Variants in KATNAL2 observed in about 807,000 individuals in gnomAD.
KATNAL2 encodes katanin p60 ATPase-containing subunit A-like 2.
KATNAL2 carries 52 observed loss-of-function variants against 76.3 expected under a neutral mutation model. The observed-to-expected ratio is 0.68, with a 90% CI of 0.55 to 0.86. The LOEUF is 0.86. Among genes scored for constraint, KATNAL2 ranks in the 40% least tolerant of loss-of-function variants. KATNAL2 has a pLI of 0.00. For synonymous variants in KATNAL2, 243 were observed against 244.2 expected, an observed-to-expected ratio of 1.00 and a Z score of 0.05; for missense variants, 660 against 668.9, an observed-to-expected ratio of 0.99 and a Z score of 0.15.
At chr18:47,089,582 G>A (rs910192874) in intron 15 of KATNAL2, among the ~76,000 whole-genome samples, 1 of 152,138 alleles carries the variant, frequency 6.6e-6, no homozygotes, top group Non-Finnish European at 1.5e-5. Flanking sequence ...TGCTCAGAAT[G>A]AGAAGTGGGG....
At chr18:46,922,126 G>C (rs1474787347) in intron 1 of KATNAL2, among the ~76,000 whole-genome samples, 1 of 148,550 alleles carries the variant, frequency 6.7e-6, no homozygotes, top group African/African-American at 2.5e-5. Flanking sequence ...TTTGAGACAG[G>C]GTCTCACTCT....
At chr18:47,067,640 G>C (rs1207877090) in intron 11 of KATNAL2, among the ~76,000 whole-genome samples, 1 of 152,174 alleles carries the variant, frequency 6.6e-6, no homozygotes, top group Non-Finnish European at 1.5e-5. Flanking sequence ...TCTCTGTGCA[G>C]TTTACAAACT....
intron 3 of KATNAL2, among the ~76,000 whole-genome samples, chr18:47,039,423 A>G (rs1244845338): frequency 6.6e-6 from 1 of 151,840 alleles, no homozygotes; most frequent in Non-Finnish European, 1.5e-5. Context: ...CATCCTCCCC[A>G]GTCCTCTCCT....
chr18:47,084,847 TAAAAAA>T (rs34034453), intron 15 of KATNAL2, among the ~76,000 whole-genome samples: 4 of 25,534 alleles, frequency 1.6e-4, no homozygotes, highest in East Asian at 1.3e-3. Context: ...AGACTCTGTC[TAAAAAA>T]AAAAAAAAAA....
chr18:47,049,190 T>C lies in KATNAL2; in HGVS notation c.122+2663T>C, dbSNP rs559209179. On this transcript the variant is annotated intron_variant, in intron 4 of 17. Transcript: ENST00000683218. The stretch of plus-strand genomic sequence containing the variant: ...CTGTGATCTTGGACAAGTTACTTAT[T>C]CTCTTTATGCTTCAGTTCCCTTGTC... Among the ~76,000 whole-genome samples the C allele has an allele frequency of 3.9e-5, 6 of 152,342 alleles. No homozygotes were observed. In the South Asian group the frequency reaches 8.3e-4, roughly 21 times the overall value.
chr18:46,917,622 C>T lies in KATNAL2; in HGVS notation c.-814C>T, dbSNP rs937789255. 16 of 914,380 alleles carry T rather than the reference C, an allele frequency of 1.7e-5. No homozygotes were observed. In the African/African-American group the frequency reaches 2.5e-4, roughly 14 times the overall value. The allele number at this position is 914,380 out of a possible 1,614,324, so 56.6% of individuals were successfully genotyped here. ...CCTTCAGTCCGCGCGGCGACAGCGC[C>T]CGCCCGCGCCTGCCCCGGCGTGCTG... On this transcript the variant is annotated 5_prime_UTR_variant, in exon 1 of 18. Transcript: ENST00000683218.
At chr18:47,072,770 A>G (rs1259493936) in intron 13 of KATNAL2, among the ~76,000 whole-genome samples, 2 of 152,242 alleles carry the variant, frequency 1.3e-5, no homozygotes, top group African/African-American at 4.8e-5. Context: ...AAGTAGGAAC[A>G]TACTATGTGT....
intron 3 of KATNAL2, among the ~76,000 whole-genome samples, chr18:47,042,858 T>A (rs1477811532): frequency 1.3e-5 from 2 of 152,214 alleles, no homozygotes; most frequent in East Asian, 3.9e-4. Flanking sequence ...AATTTCTAGC[T>A]TGACAATGGC....
In KATNAL2 at chr18:47,101,102, G is replaced by T; in HGVS notation, c.*97G>T. The T allele has an allele frequency of 7.1e-7, 1 of 1,399,692 alleles. No individual in the cohort carries two copies. Among genetic ancestry groups the T allele is most frequent in the South Asian group, 1.2e-5 (1 of 80,582 alleles). 86.7% of individuals were successfully genotyped at this position (1,399,692 alleles called of 1,614,324 possible). ...AACAAAATGATTGGAATGGAAAAGA[G>T]AAAATTATTTTTGAAGACTGGATTA... On this transcript the variant is annotated 3_prime_UTR_variant, in exon 18 of 18. Transcript: ENST00000683218.
intron 3 of KATNAL2, among the ~76,000 whole-genome samples, chr18:46,957,409 C>A (rs926348234): frequency 1.3e-5 from 2 of 151,646 alleles, no homozygotes; most frequent in Admixed American, 6.6e-5. Flanking sequence ...CGCCCGCCAC[C>A]TCACCCGGCT....
intron 1 of KATNAL2, among the ~76,000 whole-genome samples, chr18:46,933,892 G>T (rs2059011049): frequency 6.8e-6 from 1 of 147,964 alleles, no homozygotes; most frequent in Non-Finnish European, 1.5e-5. Context: ...GTGAGAACAT[G>T]TGGTGTTTGG....
At position 46,946,084 on chromosome 18, in the gene KATNAL2, C is replaced by G; in HGVS notation, c.-482C>G. The G allele has an allele frequency of 2.2e-6, 1 of 464,650 alleles. No individual in the cohort carries two copies. The highest frequency in any genetic ancestry group is 2.8e-6 in the Non-Finnish European group (1 of 354,324). The allele number at this position is 464,650 out of a possible 1,614,324, so 28.8% of individuals were successfully genotyped here. On this transcript the variant is annotated 5_prime_UTR_variant, in exon 2 of 18. The change creates a new upstream start codon in the 5' untranslated region. Coordinates refer to ENST00000683218, the MANE Select transcript of KATNAL2 (RefSeq NM_001387690.1). ...TGAGGAAACTTGAATATTTTTGTAT[C>G]CTGAAGGGAGAAATGGATGAAGAAG...
chr18:47,075,244 G>A, intron 13 of KATNAL2, 33 bp from the exon 14 acceptor site: 1 of 1,525,942 alleles, frequency 6.6e-7, no homozygotes, highest in Non-Finnish European at 8.8e-7. Context: ...AAGTCTATAA[G>A]CTTGAACACT....
chr18:46,958,154 A>C (rs2059821411), intron 3 of KATNAL2, among the ~76,000 whole-genome samples: 1 of 151,902 alleles, frequency 6.6e-6, no homozygotes, highest in South Asian at 2.1e-4. Context: ...TTGGACTCAA[A>C]CTGAAATATT....
At chr18:46,945,795 G>A (rs1396423137) in intron 1 of KATNAL2, among the ~76,000 whole-genome samples, 1 of 152,188 alleles carries the variant, frequency 6.6e-6, no homozygotes, top group Non-Finnish European at 1.5e-5. Flanking sequence ...TTATTAATTA[G>A]AAAGTGGTCA....
chr18:46,918,577 C>T (rs1376475099), intron 1 of KATNAL2, among the ~76,000 whole-genome samples: 1 of 152,188 alleles, frequency 6.6e-6, no homozygotes, highest in African/African-American at 2.4e-5. Flanking sequence ...ACCTCCGCCT[C>T]CCGAGTAGCT....
At chr18:47,064,270 AAAG>A (rs553799412) in intron 10 of KATNAL2, among the ~76,000 whole-genome samples, 24 of 152,256 alleles carry the variant, frequency 1.6e-4, no homozygotes, top group Non-Finnish European at 3.2e-4. Flanking sequence ...AAGTGTTAGG[AAAG>A]AAGACAGGAA....
intron 13 of KATNAL2, among the ~76,000 whole-genome samples, chr18:47,070,204 C>G (rs1249153424): frequency 6.6e-6 from 1 of 150,646 alleles, no homozygotes; most frequent in Non-Finnish European, 1.5e-5. Context: ...TCAAGCAATT[C>G]TCCTGCCTCA....
chr18:47,071,906 T>TAA (rs775058447), intron 13 of KATNAL2, among the ~76,000 whole-genome samples: 1,386 of 105,360 alleles, frequency 0.013, 37 homozygotes, highest in Non-Finnish European at 0.021. Context: ...AAAAATTAAT[T>TAA]AAAAAAAAAA....
Sources: allele counts gnomAD v4.1 joint callset (sites outside exome capture counted in the v4.1 genomes callset), GRCh38; gene constraint gnomAD v4.1.1; transcripts MANE v1.5; gene names NCBI Gene and HGNC (gene_info 2026-07-23, HGNC 2026-07-21).